MYT1L: variants seen among roughly 807,000 people sequenced by gnomAD.
The protein encoded by MYT1L is myelin transcription factor 1-like protein.
In MYT1L, 12 loss-of-function variants were observed where a neutral mutation model predicts 126.7. The ratio of observed to expected loss-of-function variants is 0.09; its 90% confidence interval spans 0.06 to 0.15. MYT1L has a LOEUF of 0.15. Among genes scored for constraint, MYT1L ranks in the 10% least tolerant of loss-of-function variants. The pLI is 1.00. For missense variants in MYT1L, 979 were observed against 1,585.2 expected, an observed-to-expected ratio of 0.62 and a Z score of 6.49; for synonymous variants, 541 against 604.2, an observed-to-expected ratio of 0.90 and a Z score of 1.53.
intron 2 of MYT1L, among the ~76,000 whole-genome samples, chr2:2,203,274 C>A (rs1486134125): frequency 1.3e-5 from 2 of 149,258 alleles, no homozygotes; most frequent in Non-Finnish European, 3.0e-5. Flanking sequence ...CTGGCCAGGG[C>A]AATCAGGCAG....
intron 2 of MYT1L, among the ~76,000 whole-genome samples, chr2:2,257,172 A>G (rs1307842433): frequency 6.6e-6 from 1 of 152,154 alleles, no homozygotes. Flanking sequence ...TGAGAACACT[A>G]CTTGAGAGAA....
chr2:2,140,337 A>G (rs1223237570), intron 3 of MYT1L, among the ~76,000 whole-genome samples: 1 of 152,186 alleles, frequency 6.6e-6, no homozygotes, highest in East Asian at 1.9e-4. Context: ...TTTTTGTTAA[A>G]AAAGCTGTTT....
At chr2:1,870,323 A>G (rs13413397) in intron 18 of MYT1L, among the ~76,000 whole-genome samples, 7,818 of 152,150 alleles carry the variant, frequency 0.051, 516 homozygotes, top group African/African-American at 0.16. Flanking sequence ...GCTGGGGGAT[A>G]GGTCTTTCCC....
At position 1,887,353 on chromosome 2, in the gene MYT1L, A is replaced by T; in HGVS notation, c.2642+135T>A. The T allele has an allele frequency of 6.9e-6, 8 of 1,159,144 alleles. No homozygotes were observed. Among genetic ancestry groups the T allele is most frequent in the Non-Finnish European group, 1.0e-5 (8 of 803,506 alleles). 71.8% of individuals were successfully genotyped at this position (1,159,144 alleles called of 1,614,324 possible). ...GGTTAGCTGCTCACTCTACTGACCC[A>T]GCAGTCGGAAACATTTATATGCTGC... On this transcript the variant is annotated intron_variant, in intron 17 of 24. Transcript: ENST00000647738. The surrounding 1 kb of genome is among the most constrained non-coding windows in gnomAD (Gnocchi z 4.8).
rs144746004 is a variant in MYT1L, at chr2:2,313,875, G to A, written c.-521+17092C>T. Among the ~76,000 whole-genome samples, 335 of 152,076 alleles carry A rather than the reference G, an allele frequency of 2.2e-3. 1 individual carries two copies. Among genetic ancestry groups the A allele is most frequent in the African/African-American group, 7.7e-3 (319 of 41,474 alleles). On this transcript the variant is annotated intron_variant, in intron 1 of 24. Coordinates refer to ENST00000647738, the MANE Select transcript of MYT1L (RefSeq NM_001303052.2). ...CTCGATACATACGTTTATAAATAAC[G>A]CTGGGGCCCAACCCTCACTCTAGTT...
At chr2:2,093,117 A>G (rs1575112881) in intron 3 of MYT1L, among the ~76,000 whole-genome samples, 1 of 152,304 alleles carries the variant, frequency 6.6e-6, no homozygotes, top group East Asian at 1.9e-4. Flanking sequence ...TATTTTTGCT[A>G]CCTTCTTAAA....
intron 4 of MYT1L, among the ~76,000 whole-genome samples, chr2:2,032,225 A>AT (rs1558798589): frequency 8.5e-5 from 2 of 23,626 alleles, no homozygotes; most frequent in East Asian, 1.3e-3. Context: ...CCTTACACAC[A>AT]CCCTCGCCAG....
rs144508634 is a variant in MYT1L at position 2,192,954 on chromosome 2, G to A, written c.-420-19966C>T. Among the ~76,000 whole-genome samples the A allele has an allele frequency of 1.1e-4, 16 of 152,164 alleles. 2 individuals are homozygous for A. Among genetic ancestry groups the A allele is most frequent in the African/African-American group, 3.6e-4 (15 of 41,524 alleles). The stretch of plus-strand genomic sequence containing the variant: ...CCATACTAAGGAATGTATACTCCCT[G>A]GCTCTTCAGGTTTTGTTTTTTTTCT... On this transcript the variant is annotated intron_variant, in intron 2 of 24. Transcript: ENST00000647738.
intron 3 of MYT1L, among the ~76,000 whole-genome samples, chr2:2,108,146 T>G (rs2078976422): frequency 6.6e-6 from 1 of 152,170 alleles, no homozygotes; most frequent in South Asian, 2.1e-4. Flanking sequence ...GTGTCCGTGC[T>G]GTGAACGCCT....
chr2:2,203,735 T>G (rs1441448266), intron 2 of MYT1L, among the ~76,000 whole-genome samples: 1 of 152,170 alleles, frequency 6.6e-6, no homozygotes, highest in East Asian at 1.9e-4. Flanking sequence ...ACCAATGACT[T>G]TCTTTGCAGA....
At chr2:1,871,654 C>T (rs1028957244) in intron 18 of MYT1L, among the ~76,000 whole-genome samples, 4 of 152,148 alleles carry the variant, frequency 2.6e-5, no homozygotes, top group East Asian at 1.9e-4. Context: ...GGCAGATGCC[C>T]GGCCCAGCTG....
intron 2 of MYT1L, among the ~76,000 whole-genome samples, chr2:2,206,041 G>A (rs1226365822): frequency 6.6e-6 from 1 of 150,964 alleles, no homozygotes; most frequent in Non-Finnish European, 1.5e-5. Flanking sequence ...GGAGTGCAGT[G>A]GCATGATTTT....
chr2:2,006,573 A>G (rs80006858), intron 4 of MYT1L, among the ~76,000 whole-genome samples: 1 of 151,438 alleles, frequency 6.6e-6, no homozygotes, highest in South Asian at 2.1e-4. Flanking sequence ...TTGAGCTTTT[A>G]TTTTTAATTT....
intron 1 of MYT1L, among the ~76,000 whole-genome samples, chr2:2,329,481 A>G (rs1319216652): frequency 1.3e-5 from 2 of 151,946 alleles, no homozygotes; most frequent in African/African-American, 4.8e-5. Flanking sequence ...TAGTCCTCTG[A>G]GAAAGCTGAT....
At position 2,065,828 on chromosome 2, in the gene MYT1L, ACACACACACACACACACACG is replaced by A. The variant is rs1435662276; in HGVS notation, c.-303-11725_-303-11706del. Among the ~76,000 whole-genome samples, 17 of 134,542 alleles carry A rather than the reference ACACACACACACACACACACG, an allele frequency of 1.3e-4. No homozygotes were observed. The South Asian group carries it at 3.7e-3, about 29-fold the overall frequency. The allele number at this position is 134,542 out of a possible 152,430, so 88.3% of individuals were successfully genotyped here. ...ATATCAATCTCTCTCTTTTATACACACACACACACACACACACACGCACACACACACACACACACACAGAG... is the reference window on the plus strand; with the variant it reads ...ATATCAATCTCTCTCTTTTATACACACACACACACACACACACACACAGAG... On this transcript the variant is annotated intron_variant, in intron 3 of 24. Coordinates refer to ENST00000647738, the MANE Select transcript of MYT1L (RefSeq NM_001303052.2).
At chr2:2,208,198 T>G (rs2093382077) in intron 2 of MYT1L, among the ~76,000 whole-genome samples, 1 of 152,220 alleles carries the variant, frequency 6.6e-6, no homozygotes, top group Non-Finnish European at 1.5e-5. Flanking sequence ...TTACAGAGCA[T>G]GAGCCCTGCT....
intron 9 of MYT1L, among the ~76,000 whole-genome samples, chr2:1,936,672 AGTCT>A (rs2055931261): frequency 6.6e-6 from 1 of 152,188 alleles, no homozygotes; most frequent in Admixed American, 6.5e-5. Context: ...TGCTTTTCAC[AGTCT>A]GTCTGCGTTT....
intron 18 of MYT1L, among the ~76,000 whole-genome samples, chr2:1,871,091 G>A (rs546561472): frequency 6.6e-6 from 1 of 152,226 alleles, no homozygotes; most frequent in Non-Finnish European, 1.5e-5. Flanking sequence ...GCTGAGGAGG[G>A]GCAGCTGGGT....
intron 18 of MYT1L, among the ~76,000 whole-genome samples, chr2:1,879,705 T>C (rs1176772965): frequency 1.3e-5 from 2 of 152,136 alleles, no homozygotes; most frequent in Admixed American, 6.6e-5. Context: ...TACTTACAAT[T>C]ATAAGGACAA....
Sources: allele counts gnomAD v4.1 joint callset (sites outside exome capture counted in the v4.1 genomes callset), GRCh38; gene constraint gnomAD v4.1.1; non-coding constraint Gnocchi (gnomAD v3.1); transcripts MANE v1.5; gene names NCBI Gene and HGNC (gene_info 2026-07-23, HGNC 2026-07-21).